Variants in EPHA6 observed in about 807,000 individuals in gnomAD.
EPHA6 encodes the protein ephrin type-A receptor 6.
Under a neutral mutation model 112.0 loss-of-function variants are expected in EPHA6, and 50 were observed. That is an observed-to-expected ratio of 0.45 (90% confidence interval 0.36 to 0.56). The LOEUF is 0.56. Among genes scored for constraint, EPHA6 ranks in the 20% least tolerant of loss-of-function variants. The pLI, the probability that EPHA6 is intolerant of heterozygous loss-of-function variation, is 0.00. For missense variants in EPHA6, 1,280 were observed against 1,417.4 expected (o/e 0.90, Z 1.56); for synonymous variants, 529 against 490.7 (o/e 1.08, Z -1.03).
intron 5 of EPHA6, among the ~76,000 whole-genome samples, chr3:97,304,385 A>G (rs1218797397): frequency 5.9e-5 from 9 of 151,962 alleles, no homozygotes; most frequent in Non-Finnish European, 5.9e-5. Flanking sequence ...TCACAAAATT[A>G]GGAAAACTAC....
intron 3 of EPHA6, among the ~76,000 whole-genome samples, chr3:96,990,537 G>T (rs1346812292): frequency 1.3e-5 from 2 of 151,952 alleles, no homozygotes; most frequent in African/African-American, 4.8e-5. Flanking sequence ...TAAAGTAGTG[G>T]TTATAATCAC....
Position 96,987,373 on chromosome 3 carries a change from A to C in EPHA6, c.494A>C (p.His165Pro). The C allele has an allele frequency of 6.2e-7, 1 of 1,613,548 alleles. No homozygotes were observed. The highest frequency in any genetic ancestry group is 1.1e-5 in the South Asian group (1 of 91,068). ...ATGGATGAACATAATAGGCCCATTC[A>C]CACATACCAGGTATGTAATGTAATG... is the stretch of plus-strand genomic sequence containing the variant. Reference protein sequence around the residue: ...TEMDEHNRPIHTYQVCNVMEP... With the variant: ...TEMDEHNRPIPTYQVCNVMEP... The change falls in exon 3 of 18, where the codon CAC becomes CCC. Residue 165 changes from histidine (H) to proline (P), a missense_variant. Around this residue, in one of 4 missense-constraint regions of EPHA6, gnomAD observed 878 missense variants for 999.7 expected, o/e 0.88. Transcript: ENST00000389672.
At chr3:97,339,625 C>T (rs79098296) in intron 5 of EPHA6, among the ~76,000 whole-genome samples, 1,964 of 152,232 alleles carry the variant, frequency 0.013, 37 homozygotes, top group African/African-American at 0.044. Flanking sequence ...ATGCCAATAC[C>T]TACCTTAGGA....
chr3:97,728,865 T>G (rs1240964754), intron 15 of EPHA6, among the ~76,000 whole-genome samples: 1 of 152,138 alleles, frequency 6.6e-6, no homozygotes. Context: ...TGATAAATCA[T>G]GTCATCAACA....
At chr3:96,840,318 T>A (rs2034662984) in intron 1 of EPHA6, among the ~76,000 whole-genome samples, 1 of 152,136 alleles carries the variant, frequency 6.6e-6, no homozygotes, top group Non-Finnish European at 1.5e-5. Context: ...TTGGGATATC[T>A]GTTATTTATC....
chr3:97,533,588 GT>G (rs1279380247), intron 11 of EPHA6, among the ~76,000 whole-genome samples: 1 of 152,040 alleles, frequency 6.6e-6, no homozygotes, highest in East Asian at 1.9e-4. Context: ...TCGTTGTGTA[GT>G]TTTTTCCCAT....
At chr3:97,032,354 C>G (rs572643273) in intron 3 of EPHA6, among the ~76,000 whole-genome samples, 2 of 151,860 alleles carry the variant, frequency 1.3e-5, no homozygotes, top group Non-Finnish European at 2.9e-5. Flanking sequence ...TGCTAAATGA[C>G]GAGTTAATGG....
intron 5 of EPHA6, among the ~76,000 whole-genome samples, chr3:97,264,257 C>A (rs2079599406): frequency 6.6e-6 from 1 of 152,224 alleles, no homozygotes; most frequent in African/African-American, 2.4e-5. Context: ...GGATCCCATG[C>A]CTCCAAGGGA....
At chr3:97,667,251 A>G (rs1188874508) in intron 14 of EPHA6, among the ~76,000 whole-genome samples, 1 of 152,238 alleles carries the variant, frequency 6.6e-6, no homozygotes, top group African/African-American at 2.4e-5. Flanking sequence ...ATTTATTTAT[A>G]GATATCTCCC....
At chr3:97,457,951 C>T (rs1050030651) in intron 7 of EPHA6, among the ~76,000 whole-genome samples, 2 of 151,320 alleles carry the variant, frequency 1.3e-5, no homozygotes, top group East Asian at 2.0e-4. Flanking sequence ...GCCAGTAGTC[C>T]CAGCTACTAG....
chr3:97,472,041 G>C (rs2091245334), intron 7 of EPHA6, among the ~76,000 whole-genome samples: 1 of 151,450 alleles, frequency 6.6e-6, no homozygotes, highest in Non-Finnish European at 1.5e-5. Context: ...TCTCGTCTTT[G>C]TCTTCTCCAC....
At chr3:97,428,652 C>T (rs113060925) in intron 6 of EPHA6, among the ~76,000 whole-genome samples, 14 of 152,208 alleles carry the variant, frequency 9.2e-5, no homozygotes, top group African/African-American at 3.4e-4. Context: ...TACATTTTCC[C>T]TCAGTGGCGA....
intron 10 of EPHA6, among the ~76,000 whole-genome samples, chr3:97,513,001 G>A (rs1480839607): frequency 6.6e-6 from 1 of 152,128 alleles, no homozygotes; most frequent in Non-Finnish European, 1.5e-5. Context: ...TGTTTAGTGT[G>A]TACTTTCACA....
At chr3:97,537,662 T>A (rs2092782532) in intron 11 of EPHA6, among the ~76,000 whole-genome samples, 1 of 152,198 alleles carries the variant, frequency 6.6e-6, no homozygotes, top group Admixed American at 6.5e-5. Context: ...CACTGCAACC[T>A]CCACCTCCCA....
At chr3:97,595,902 C>CTTTT (rs1198606431) in intron 12 of EPHA6, among the ~76,000 whole-genome samples, 9 of 115,022 alleles carry the variant, frequency 7.8e-5, no homozygotes, top group East Asian at 2.3e-4. Flanking sequence ...GACATATTCT[C>CTTTT]TTTTTTTTTT....
At chr3:96,907,039 A>T (rs2038971016) in intron 2 of EPHA6, among the ~76,000 whole-genome samples, 1 of 151,940 alleles carries the variant, frequency 6.6e-6, no homozygotes, top group African/African-American at 2.4e-5. Context: ...GACATTTATA[A>T]AAGAGGACTT....
intron 11 of EPHA6, among the ~76,000 whole-genome samples, chr3:97,581,369 A>G (rs1170465088): frequency 2.0e-5 from 3 of 152,242 alleles, no homozygotes; most frequent in Non-Finnish European, 4.4e-5. Context: ...GAAGCAAAAC[A>G]TGGGTACATG....
At chr3:96,816,787 A>G (rs2032822217) in intron 1 of EPHA6, among the ~76,000 whole-genome samples, 1 of 152,056 alleles carries the variant, frequency 6.6e-6, no homozygotes, top group Non-Finnish European at 1.5e-5. Context: ...CTGCCAAAAT[A>G]TGTCCTGTTA....
At chr3:97,351,998 A>C (rs1163713236) in intron 5 of EPHA6, among the ~76,000 whole-genome samples, 1 of 152,162 alleles carries the variant, frequency 6.6e-6, no homozygotes, top group Non-Finnish European at 1.5e-5. Context: ...ACAAATTGAC[A>C]AGAAGAAACC....
Sources: allele counts gnomAD v4.1 joint callset (sites outside exome capture counted in the v4.1 genomes callset), GRCh38; gene constraint gnomAD v4.1.1; regional missense constraint gnomAD v4.1.1; transcripts MANE v1.5; gene names NCBI Gene and HGNC (gene_info 2026-07-23, HGNC 2026-07-21).